The following FYB2 variants were observed in gnomAD, a reference collection of about 807,000 sequenced individuals.
The protein encoded by FYB2 is FYN binding protein 2.
FYB2 carries 103 observed loss-of-function variants against 94.1 expected under a neutral mutation model. The ratio of observed to expected loss-of-function variants is 1.09; its 90% CI spans 0.93 to 1.29. The LOEUF is 1.29. Ranked by LOEUF, FYB2 falls within the 50% of genes most tolerant of loss-of-function variation. The probability of loss-of-function intolerance (pLI) is 0.00; values close to 1 mark genes in which losing one functional copy is unlikely to be tolerated. For synonymous variants in FYB2, 293 were observed against 287.9 expected (o/e 1.02, Z -0.18); for missense variants, 896 against 841.5 (o/e 1.06, Z -0.80).
At chr1:56,793,332 G>C (rs1273645011) in intron 1 of FYB2, among the ~76,000 whole-genome samples, 4 of 152,128 alleles carry the variant, frequency 2.6e-5, no homozygotes, top group East Asian at 1.9e-4. Flanking sequence ...TTGTGTTCTT[G>C]CTTCACAAAA....
intron 1 of FYB2, among the ~76,000 whole-genome samples, chr1:56,805,210 C>T (rs1490692477): frequency 6.6e-6 from 1 of 152,162 alleles, no homozygotes; most frequent in African/African-American, 2.4e-5. Context: ...ACCCCACTCG[C>T]ACATGTAGAT....
At chr1:56,788,897 TC>T (rs1646193200) in intron 3 of FYB2, 75 bp downstream of exon 3, 1 of 1,564,540 alleles carries the variant, frequency 6.4e-7, no homozygotes, top group Non-Finnish European at 8.8e-7. Flanking sequence ...AGCAGCGGCA[TC>T]GTCACCTGGG....
At chr1:56,811,121 T>C (rs116264573) in intron 1 of FYB2, among the ~76,000 whole-genome samples, 168 of 152,200 alleles carry the variant, frequency 1.1e-3, no homozygotes, top group African/African-American at 3.9e-3. Context: ...GGAGGGACCG[T>C]CATCAGGCAG....
chr1:56,770,144 A>T (rs1158781851), intron 4 of FYB2, among the ~76,000 whole-genome samples: 3 of 152,190 alleles, frequency 2.0e-5, no homozygotes, highest in African/African-American at 7.2e-5. Context: ...AAGTGTTATG[A>T]TCAGCTCTCT....
chr1:56,720,484 GC>G (rs1372880890), intron 17 of FYB2, 155 bp from the exon 18 acceptor site: 5 of 557,092 alleles, frequency 9.0e-6, no homozygotes, highest in Admixed American at 4.1e-5. Context: ...AGGAAAGTAT[GC>G]AGTTAAAGGA....
intron 4 of FYB2, among the ~76,000 whole-genome samples, chr1:56,780,110 G>C (rs1440833117): frequency 6.6e-6 from 1 of 152,048 alleles, no homozygotes; most frequent in Non-Finnish European, 1.5e-5. Flanking sequence ...CTCAGCATGT[G>C]GTCATACACA....
intron 1 of FYB2, among the ~76,000 whole-genome samples, chr1:56,812,919 A>C (rs1281935525): frequency 6.6e-6 from 1 of 152,340 alleles, no homozygotes; most frequent in South Asian, 2.1e-4. Flanking sequence ...ACCACAGACT[A>C]TGTGGCTTCA....
chr1:56,763,944 A>C (rs1386685068), intron 5 of FYB2, among the ~76,000 whole-genome samples: 1 of 148,712 alleles, frequency 6.7e-6, no homozygotes, highest in Non-Finnish European at 1.5e-5. Context: ...CTGTTGTCAT[A>C]TTATGTCTAT....
At chr1:56,763,454 T>C (rs966061594) in intron 5 of FYB2, among the ~76,000 whole-genome samples, 4 of 152,166 alleles carry the variant, frequency 2.6e-5, no homozygotes, top group Non-Finnish European at 5.9e-5. Context: ...CTAATCAAAT[T>C]ATTTATTTTG....
At chr1:56,783,943 T>A (rs553727191) in intron 4 of FYB2, among the ~76,000 whole-genome samples, 3 of 152,228 alleles carry the variant, frequency 2.0e-5, no homozygotes, top group South Asian at 4.1e-4. Flanking sequence ...TAAGCAAGGT[T>A]TATTGAACAC....
chr1:56,771,534 A>C (rs542887366), intron 4 of FYB2, among the ~76,000 whole-genome samples: 102 of 152,322 alleles, frequency 6.7e-4, no homozygotes, highest in African/African-American at 2.4e-3. Context: ...TAAATTCATA[A>C]TCTTTTCCCC....
chr1:56,756,587 T>TA (rs1365019335), intron 6 of FYB2, among the ~76,000 whole-genome samples: 1 of 152,158 alleles, frequency 6.6e-6, no homozygotes, highest in African/African-American at 2.4e-5. Flanking sequence ...TGGAAACCAT[T>TA]ATTCAGAGAC....
chr1:56,814,426 A>C (rs891298420), intron 1 of FYB2, among the ~76,000 whole-genome samples: 6 of 152,208 alleles, frequency 3.9e-5, no homozygotes, highest in African/African-American at 1.4e-4. Flanking sequence ...CTCAATGGGA[A>C]AGTAATGCCA....
intron 4 of FYB2, among the ~76,000 whole-genome samples, chr1:56,784,344 T>C (rs1168238103): frequency 2.6e-5 from 4 of 152,176 alleles, no homozygotes; most frequent in Non-Finnish European, 5.9e-5. Flanking sequence ...TTGTGCTATG[T>C]GGCTTGGCTA....
At chr1:56,725,663 C>T (rs902508524) in intron 16 of FYB2, among the ~76,000 whole-genome samples, 2 of 151,968 alleles carry the variant, frequency 1.3e-5, no homozygotes, top group Admixed American at 6.6e-5. Flanking sequence ...ATCTTTCCAG[C>T]CTGAGAAAAA....
rs766756940 is a variant in FYB2, at chr1:56,737,192, T to C, written c.1733-45A>G. 3 of 1,458,420 alleles carry C rather than the reference T, an allele frequency of 2.1e-6. No individual in the cohort carries two copies. In the South Asian group the frequency reaches 3.6e-5, roughly 18 times the overall value. The allele number at this position is 1,458,420 out of a possible 1,614,324, so 90.3% of individuals were successfully genotyped here. On this transcript the variant is annotated intron_variant, in intron 14 of 19. Coordinates refer to ENST00000343433, the MANE Select transcript of FYB2 (RefSeq NM_001004303.5). Reference sequence around the variant, plus strand: ...AAAATAGTCCATTATTAAGCATGGTTTATATAAGCACTGACTTTCCAAATT... The same window carrying C: ...AAAATAGTCCATTATTAAGCATGGTCTATATAAGCACTGACTTTCCAAATT...
chr1:56,781,700 T>C (rs1005692911), intron 4 of FYB2, among the ~76,000 whole-genome samples: 4 of 152,192 alleles, frequency 2.6e-5, no homozygotes, highest in Non-Finnish European at 2.9e-5. Flanking sequence ...TGTCAGCTCA[T>C]GTCACTTCCT....
intron 4 of FYB2, among the ~76,000 whole-genome samples, chr1:56,773,441 G>A (rs147722984): frequency 2.0e-5 from 3 of 152,274 alleles, no homozygotes; most frequent in Non-Finnish European, 4.4e-5. Context: ...TAGACACCGT[G>A]CATAGATTCA....
chr1:56,753,996 C>T, intron 7 of FYB2, 61 bp from the exon 8 acceptor site: 1 of 978,156 alleles, frequency 1.0e-6, no homozygotes, highest in Non-Finnish European at 1.6e-6. Flanking sequence ...TGATAGTGTA[C>T]TGTCCAATCC....
Sources: allele counts gnomAD v4.1 joint callset (sites outside exome capture counted in the v4.1 genomes callset), GRCh38; gene constraint gnomAD v4.1.1; transcripts MANE v1.5; gene names NCBI Gene and HGNC (gene_info 2026-07-23, HGNC 2026-07-21).